Variants in NWD2 observed in about 807,000 individuals in gnomAD.
NWD2 encodes NACHT and WD repeat domain-containing protein 2.
Under a neutral mutation model 132.7 loss-of-function variants are expected in NWD2, and 37 were observed. That is an observed-to-expected ratio of 0.28 (90% CI 0.21 to 0.37). The LOEUF is 0.37. Ranked by LOEUF, NWD2 falls within the 10% of genes least tolerant of loss-of-function variation. NWD2 has a pLI of 1.00. For synonymous variants in NWD2, 705 were observed against 803.0 expected, an observed-to-expected ratio of 0.88 and a Z score of 2.06; for missense variants, 1,592 against 2,122.4, an observed-to-expected ratio of 0.75 and a Z score of 4.91.
chr4:37,431,912 T>A (rs1210555134), intron 4 of NWD2, among the ~76,000 whole-genome samples: 4 of 152,124 alleles, frequency 2.6e-5, no homozygotes, highest in African/African-American at 7.2e-5. Flanking sequence ...TACTTATTAA[T>A]ATTGGTATTA....
chr4:37,413,626 T>C (rs1394883238), intron 3 of NWD2, among the ~76,000 whole-genome samples: 3 of 152,212 alleles, frequency 2.0e-5, no homozygotes, highest in African/African-American at 7.2e-5. Flanking sequence ...ACTGGGTATA[T>C]ACCCAAAGGA....
chr4:37,379,065 T>C (rs566170847), intron 3 of NWD2, among the ~76,000 whole-genome samples: 3 of 152,314 alleles, frequency 2.0e-5, no homozygotes, highest in African/African-American at 7.2e-5. Context: ...TCTGGACTCC[T>C]CACTTACCCC....
chr4:37,319,621 C>A (rs1002415869), intron 1 of NWD2, among the ~76,000 whole-genome samples: 2 of 152,080 alleles, frequency 1.3e-5, no homozygotes, highest in Non-Finnish European at 2.9e-5. Flanking sequence ...ACATTTAAAT[C>A]TTTAATCTAT....
chr4:37,333,855 T>A (rs1167003410), intron 2 of NWD2, among the ~76,000 whole-genome samples: 1 of 152,062 alleles, frequency 6.6e-6, no homozygotes, highest in Non-Finnish European at 1.5e-5. Context: ...TCCTATCAGA[T>A]AAACTTAACA....
Position 37,439,503 on chromosome 4 carries a change from T to A in NWD2, c.1296+113T>A. 1 of 785,398 alleles carries A rather than the reference T, an allele frequency of 1.3e-6. No individual in the cohort carries two copies. The highest frequency in any genetic ancestry group is 1.9e-6 in the Non-Finnish European group (1 of 518,562). 48.7% of individuals were successfully genotyped at this position (785,398 alleles called of 1,614,324 possible). ...AGTTTACTATGTGAATTATAGTTGG[T>A]CTTTTAGGAGTGAATACTGCAGTGC... On this transcript the variant is annotated intron_variant, in intron 6 of 6. Coordinates refer to ENST00000309447, the MANE Select transcript of NWD2 (RefSeq NM_001144990.2). The surrounding 1 kb of genome is among the most constrained non-coding windows in gnomAD (Gnocchi z 4.5).
chr4:37,320,071 G>A (rs1719037851), intron 1 of NWD2, among the ~76,000 whole-genome samples: 1 of 152,190 alleles, frequency 6.6e-6, no homozygotes, highest in Non-Finnish European at 1.5e-5. Context: ...TAGGCAGCAT[G>A]GTCATTTTAA....
In NWD2 at chr4:37,386,887, C is replaced by A. The variant is rs577255177; in HGVS notation, c.357+30405C>A. On this transcript the variant is annotated intron_variant, in intron 3 of 6. Transcript: ENST00000309447. ...TCTCGGTCCCTCTCTTTCCGTGTGT[C>A]ATGTCTGTTTCCTCTTCGTCTTTTG... 6.2e-4 allele frequency among the ~76,000 whole-genome samples: 95 copies of A among 152,162 alleles called. 1 individual carries two copies. Among genetic ancestry groups the A allele is most frequent in the Non-Finnish European group, 1.0e-3 (71 of 68,026 alleles).
chr4:37,357,521 G>T (rs956295855), intron 3 of NWD2, among the ~76,000 whole-genome samples: 6 of 152,164 alleles, frequency 3.9e-5, no homozygotes, highest in African/African-American at 1.2e-4. Flanking sequence ...CTCACTAACT[G>T]CCTGAGTGCT....
chr4:37,445,213 C>G lies in NWD2; in HGVS notation c.3225C>G (p.Leu1075=), dbSNP rs758800716. 5 of 1,551,908 alleles carry G rather than the reference C, an allele frequency of 3.2e-6. No individual in the cohort carries two copies. The highest frequency in any genetic ancestry group is 4.4e-6 in the Non-Finnish European group (5 of 1,147,052). Residue 1075 remains leucine, a synonymous_variant, in exon 7 of 7, where the codon CTC becomes CTG. Transcript: ENST00000309447. This position sits in a 1 kb window ranked among gnomAD's most constrained non-coding sequence, Gnocchi z 4.7. ...TLSANHALAW[L]EASKDVTVID... is the part of the protein sequence containing the mutation. The stretch of plus-strand genomic sequence containing the variant: ...CCGCCAACCACGCCCTTGCATGGCT[C>G]GAAGCCAGCAAAGATGTCACTGTCA...
At chr4:37,261,776 G>A (rs752349306) in intron 1 of NWD2, among the ~76,000 whole-genome samples, 4 of 152,146 alleles carry the variant, frequency 2.6e-5, no homozygotes, top group Non-Finnish European at 4.4e-5. Context: ...GAAGAAAAAC[G>A]AAGCAAGGTA....
At chr4:37,408,639 A>G (rs1721093280) in intron 3 of NWD2, among the ~76,000 whole-genome samples, 1 of 152,184 alleles carries the variant, frequency 6.6e-6, no homozygotes, top group East Asian at 1.9e-4. Flanking sequence ...ATGGCTCTGA[A>G]GAGAGCAGCA....
intron 3 of NWD2, 125 bp from the exon 4 acceptor site, chr4:37,430,446 GA>G (rs1486165874): frequency 5.7e-6 from 4 of 705,326 alleles, no homozygotes; most frequent in African/African-American, 1.8e-5. Context: ...GACCAAAAGA[GA>G]AAACTGATGG....
At chr4:37,272,994 G>A (rs2109264257) in intron 1 of NWD2, among the ~76,000 whole-genome samples, 1 of 151,824 alleles carries the variant, frequency 6.6e-6, no homozygotes, top group South Asian at 2.1e-4. Flanking sequence ...TGGTTGCTCA[G>A]GTATTTCAGT....
chr4:37,246,972 A>T (rs762727405), intron 1 of NWD2, among the ~76,000 whole-genome samples: 1 of 152,210 alleles, frequency 6.6e-6, no homozygotes, highest in Non-Finnish European at 1.5e-5. Context: ...AAGCCTGTCC[A>T]TATGATTCTT....
Position 37,439,071 on chromosome 4 carries a change from TGAA to T in NWD2, c.978_980del (p.Met326_Lys327delinsIle). On this transcript the variant is annotated inframe_deletion, in exon 6 of 7. Transcript: ENST00000309447. This position sits in a 1 kb window ranked among gnomAD's most constrained non-coding sequence, Gnocchi z 4.5. ...TACACATCTGTTACTCATTGTGACA[TGAA>T]ACTAGGCTACTCCCAAGAAATAGAA... The T allele has an allele frequency of 6.4e-7, 1 of 1,551,800 alleles. No individual in the cohort carries two copies. The highest frequency in any genetic ancestry group is 8.7e-7 in the Non-Finnish European group (1 of 1,147,002).
intron 1 of NWD2, among the ~76,000 whole-genome samples, chr4:37,321,571 G>T (rs1719069144): frequency 6.6e-6 from 1 of 152,144 alleles, no homozygotes; most frequent in Non-Finnish European, 1.5e-5. Flanking sequence ...CCTCATCTTT[G>T]ATTTACACTG....
chr4:37,315,080 A>G (rs952465244), intron 1 of NWD2, among the ~76,000 whole-genome samples: 6 of 152,144 alleles, frequency 3.9e-5, no homozygotes, highest in African/African-American at 1.4e-4. Context: ...TCAATTTCCA[A>G]AAATCTGGAA....
At chr4:37,260,827 G>A (rs932841512) in intron 1 of NWD2, among the ~76,000 whole-genome samples, 1 of 152,136 alleles carries the variant, frequency 6.6e-6, no homozygotes, top group Non-Finnish European at 1.5e-5. Context: ...CCCTTGGATA[G>A]AAGGGATCTG....
chr4:37,334,302 T>C (rs1232080069), intron 2 of NWD2, among the ~76,000 whole-genome samples: 2 of 152,212 alleles, frequency 1.3e-5, no homozygotes, highest in East Asian at 3.8e-4. Context: ...GGCTTTCTGC[T>C]GCCAATAGGA....
Sources: gnomAD v4.1 joint callset for allele counts (sites outside exome capture counted in the v4.1 genomes callset) on GRCh38, gnomAD v4.1.1 for gene constraint, Gnocchi (gnomAD v3.1) non-coding constraint, MANE v1.5 for transcripts, NCBI Gene and HGNC (gene_info 2026-07-23, HGNC 2026-07-21) for gene names.